CFAP97D2: variants seen among roughly 807,000 people sequenced by gnomAD.
CFAP97D2 encodes CFAP97 domain containing 2, also known as uncharacterized protein CFAP97D2.
At chr13:114,196,076 C>CAAAAAAAAA (rs57315285) in intron 1 of CFAP97D2, among the ~76,000 whole-genome samples, 7 of 100,972 alleles carry the variant, frequency 6.9e-5, no homozygotes, top group African/African-American at 2.1e-4. Context: ...GAGCGAGACT[C>CAAAAAAAAA]AAAAAAAAAA....
At chr13:114,184,440 G>A (rs574713046) in intron 1 of CFAP97D2, among the ~76,000 whole-genome samples, 17 of 152,302 alleles carry the variant, frequency 1.1e-4, no homozygotes, top group South Asian at 2.1e-4. Context: ...TAGGCATATC[G>A]TGTTCAAACT....
At position 114,220,392 on chromosome 13, in the gene CFAP97D2, C is replaced by T. The variant is rs1320753927; in HGVS notation, c.481-2106C>T. Among the ~76,000 whole-genome samples the T allele has an allele frequency of 3.9e-5, 6 of 152,308 alleles. No homozygotes were observed. The East Asian group carries it at 1.2e-3, about 29-fold the overall frequency. On this transcript the variant is annotated intron_variant, in intron 4 of 4. Transcript: ENST00000646158. ...TCCTCTGCCCCAAAGCTTCACCTGA[C>T]GGAGGCTGTACTGCTAGTCTCCTGG...
chr13:114,183,811 A>G (rs2080845702), intron 1 of CFAP97D2, among the ~76,000 whole-genome samples: 1 of 152,242 alleles, frequency 6.6e-6, no homozygotes, highest in African/African-American at 2.4e-5. Flanking sequence ...TTTCCACACG[A>G]ACAATGGAGG....
In CFAP97D2 at chr13:114,186,131, C is replaced by T. The variant is rs368363407; in HGVS notation, c.90+6711C>T. ...AGAGGATGGAGATATGATGGGGAGACGATGGGCTGACTAGCTGCAGGGAGG... is the reference window on the plus strand; with the variant it reads ...AGAGGATGGAGATATGATGGGGAGATGATGGGCTGACTAGCTGCAGGGAGG... On this transcript the variant is annotated intron_variant, in intron 1 of 4. Transcript: ENST00000646158. This position sits in a 1 kb window ranked among gnomAD's most constrained non-coding sequence, Gnocchi z 4.3. Among the ~76,000 whole-genome samples the T allele has an allele frequency of 2.8e-4, 43 of 152,272 alleles. No homozygotes were observed. Among genetic ancestry groups the T allele is most frequent in the Middle Eastern group, 3.4e-3 (1 of 294 alleles).
chr13:114,202,216 T>G (rs1471258797), intron 3 of CFAP97D2, among the ~76,000 whole-genome samples: 5 of 152,340 alleles, frequency 3.3e-5, no homozygotes, highest in Middle Eastern at 6.8e-3. Context: ...AGCATTTGGG[T>G]GGTTTCCAGT....
intron 1 of CFAP97D2, 40 bp from the exon 2 acceptor site, chr13:114,196,356 C>T: frequency 2.5e-6 from 1 of 399,568 alleles, no homozygotes. Context: ...ACTCTGTTTC[C>T]AATACTGCGC....
At chr13:114,206,533 G>A (rs547543944) in intron 3 of CFAP97D2, among the ~76,000 whole-genome samples, 1 of 152,308 alleles carries the variant, frequency 6.6e-6, no homozygotes, top group East Asian at 1.9e-4. Context: ...GCTACAACAT[G>A]GATGAACTTT....
upstream of CFAP97D2, chr13:114,179,279 A>T: frequency 2.5e-6 from 1 of 398,610 alleles, no homozygotes; most frequent in Non-Finnish European, 4.4e-6. This position sits in a 1 kb window ranked among gnomAD's most constrained non-coding sequence, Gnocchi z 4.8. Flanking sequence ...GGTCTGCACC[A>T]GGCCCCAGCT....
chr13:114,221,989 C>T (rs57357974), intron 4 of CFAP97D2, among the ~76,000 whole-genome samples: 40,845 of 152,068 alleles, frequency 0.27, 5,966 homozygotes, highest in African/African-American at 0.39. Flanking sequence ...ACAGATAAAA[C>T]GTGGTATAGC....
intron 1 of CFAP97D2, among the ~76,000 whole-genome samples, chr13:114,192,311 G>T (rs1427224023): frequency 6.6e-6 from 1 of 152,114 alleles, no homozygotes; most frequent in Admixed American, 6.5e-5. Context: ...AATGGGGGAG[G>T]TTATGCATGT....
chr13:114,193,208 A>T (rs1311500031), intron 1 of CFAP97D2, among the ~76,000 whole-genome samples: 1 of 152,252 alleles, frequency 6.6e-6, no homozygotes, highest in Non-Finnish European at 1.5e-5. Context: ...GGAAAAAAAC[A>T]AAACAATCAA....
intron 3 of CFAP97D2, among the ~76,000 whole-genome samples, chr13:114,210,853 G>GACACACACACACAC (rs1417622434): frequency 3.4e-4 from 34 of 99,088 alleles, no homozygotes; most frequent in African/African-American, 1.6e-3. Flanking sequence ...ACATTTCATT[G>GACACACACACACAC]ATACACACAC....
intron 3 of CFAP97D2, among the ~76,000 whole-genome samples, chr13:114,200,878 C>A (rs988531139): frequency 6.6e-6 from 1 of 152,220 alleles, no homozygotes; most frequent in African/African-American, 2.4e-5. Flanking sequence ...CCTGCTCATG[C>A]AGTTCTCAAA....
rs769249372 is a variant in CFAP97D2, at chr13:114,211,681, C to T, written c.291-231C>T. Among the ~76,000 whole-genome samples, 3 of 152,232 alleles carry T rather than the reference C, an allele frequency of 2.0e-5. No homozygotes were observed. Among genetic ancestry groups the T allele is most frequent in the East Asian group, 1.9e-4 (1 of 5,194 alleles). ...GTGCTCACCCTGAAAACGCCCCTCC[C>T]GCCGTGCAAAGCGAGCGCGCCGGGG... On this transcript the variant is annotated intron_variant, in intron 3 of 4. Coordinates refer to ENST00000646158, the Ensembl canonical transcript of CFAP97D2. This position sits in a 1 kb window ranked among gnomAD's most constrained non-coding sequence, Gnocchi z 4.2.
intron 4 of CFAP97D2, among the ~76,000 whole-genome samples, chr13:114,214,968 C>T (rs909225374): frequency 1.5e-4 from 23 of 152,022 alleles, no homozygotes; most frequent in Admixed American, 1.1e-3. Context: ...TTCAGTTTTT[C>T]GATATTCCAA....
intron 1 of CFAP97D2, among the ~76,000 whole-genome samples, chr13:114,184,518 G>A (rs560358053): frequency 2.0e-5 from 3 of 152,310 alleles, no homozygotes; most frequent in Admixed American, 1.3e-4. Context: ...ACAGAGGAAC[G>A]AAGATGAGAA....
intron 1 of CFAP97D2, among the ~76,000 whole-genome samples, chr13:114,188,094 C>T (rs1364706310): frequency 1.3e-5 from 2 of 150,834 alleles, no homozygotes; most frequent in Non-Finnish European, 2.9e-5. Context: ...GCCTGGGCAA[C>T]ATAGCAAGAC....
chr13:114,209,859 T>C (rs1457192572), intron 3 of CFAP97D2, among the ~76,000 whole-genome samples: 4 of 152,238 alleles, frequency 2.6e-5, no homozygotes, highest in Non-Finnish European at 1.5e-5. Context: ...GCTCGGCACA[T>C]AGTAGGTACT....
Position 114,187,212 on chromosome 13 carries a change from T to C in CFAP97D2, c.90+7792T>C, listed in dbSNP as rs923442809. Among the ~76,000 whole-genome samples the C allele has an allele frequency of 1.3e-5, 2 of 151,618 alleles. No homozygotes were observed. Among genetic ancestry groups the C allele is most frequent in the Non-Finnish European group, 2.9e-5 (2 of 67,918 alleles). ...TGATAAACTAAGAAGGGAGAGAAAA[T>C]GGAATCATATAAAATGCTCAATTAA... On this transcript the variant is annotated intron_variant, in intron 1 of 4. Coordinates refer to ENST00000646158, the Ensembl canonical transcript of CFAP97D2. The surrounding 1 kb of genome is among the most constrained non-coding windows in gnomAD (Gnocchi z 4.2).
Sources: gnomAD v4.1 joint callset for allele counts (sites outside exome capture counted in the v4.1 genomes callset) on GRCh38, gnomAD v4.1.1 for gene constraint, Gnocchi (gnomAD v3.1) non-coding constraint, MANE v1.5 for transcripts, NCBI Gene and HGNC (gene_info 2026-07-23, HGNC 2026-07-21) for gene names.